The following ZNF385C variants were observed in gnomAD, a reference collection of about 807,000 sequenced individuals.
The protein encoded by ZNF385C is CTD-2132N18.2.
In ZNF385C, 28 loss-of-function variants were observed where a neutral mutation model predicts 35.4. That is an observed-to-expected ratio of 0.79 (90% confidence interval 0.59 to 1.08). The LOEUF is 1.08. Ranked by LOEUF, ZNF385C falls within the 50% of genes least tolerant of loss-of-function variation. ZNF385C has a pLI of 0.00. For missense variants in ZNF385C, 605 were observed against 595.6 expected (o/e 1.02, Z -0.16); for synonymous variants, 248 against 248.2 (o/e 1.00, Z 0.01).
chr17:42,050,380 G>A lies in ZNF385C; in HGVS notation c.250+12427C>T, dbSNP rs922125452. Among the ~76,000 whole-genome samples, 1 of 152,066 alleles carries A rather than the reference G, an allele frequency of 6.6e-6. No homozygotes were observed. The highest frequency in any genetic ancestry group is 1.5e-5 in the Non-Finnish European group (1 of 67,992). The stretch of plus-strand genomic sequence containing the variant: ...GGGGCTCCCCTGCACCTCTTCTCAC[G>A]CATCCTCCCGGGGGCTGGGACGGGG... On this transcript the variant is annotated intron_variant, in intron 2 of 8. Transcript: ENST00000692273. This position sits in a 1 kb window ranked among gnomAD's most constrained non-coding sequence, Gnocchi z 5.6.
chr17:42,082,738 G>A (rs1409009575), intron 1 of ZNF385C, among the ~76,000 whole-genome samples: 1 of 152,172 alleles, frequency 6.6e-6, no homozygotes, highest in Admixed American at 6.5e-5. Flanking sequence ...TTTGAGACCA[G>A]CCTGGGCAAC....
At chr17:42,041,122 A>G in intron 2 of ZNF385C, 8 of 1,232,268 alleles carry the variant, frequency 6.5e-6, no homozygotes, top group Non-Finnish European at 7.1e-6. Flanking sequence ...GTCCAACACC[A>G]GCCCCACATA....
chr17:42,068,817 C>T (rs1555658603), intron 1 of ZNF385C, among the ~76,000 whole-genome samples: 3 of 152,208 alleles, frequency 2.0e-5, no homozygotes, highest in Non-Finnish European at 2.9e-5. Context: ...CCCCATCCCA[C>T]CTCTCCTTAA....
intron 1 of ZNF385C, among the ~76,000 whole-genome samples, chr17:42,071,339 G>A (rs575839200): frequency 1.3e-5 from 2 of 152,238 alleles, no homozygotes; most frequent in Admixed American, 1.3e-4. Flanking sequence ...GGCACAGGAG[G>A]TGAAGGAGCA....
intron 1 of ZNF385C, among the ~76,000 whole-genome samples, chr17:42,073,518 C>T (rs1200357547): frequency 1.3e-5 from 2 of 152,024 alleles, no homozygotes; most frequent in Non-Finnish European, 2.9e-5. Context: ...CCAGGCTGCT[C>T]CTAGGCACTG....
Position 42,037,901 on chromosome 17 carries a change from G to A in ZNF385C, c.251-16C>T. On this transcript the variant is annotated splice_polypyrimidine_tract_variant and intron_variant, in intron 2 of 8. Transcript: ENST00000692273. Reference sequence around the variant, plus strand: ...GCCGGGCCTGCTGCAGGAGGAAGAAGGGCAGGGTCTGAAATGGGCTCTGTC... The same window carrying A: ...GCCGGGCCTGCTGCAGGAGGAAGAAAGGCAGGGTCTGAAATGGGCTCTGTC... 1.3e-6 allele frequency: 2 copies of A among 1,537,026 alleles called. No individual in the cohort carries two copies. Among genetic ancestry groups the A allele is most frequent in the South Asian group, 1.2e-5 (1 of 82,488 alleles).
chr17:42,097,572 C>T (rs1160862781), intron 1 of ZNF385C, among the ~76,000 whole-genome samples: 1 of 152,126 alleles, frequency 6.6e-6, no homozygotes, highest in Admixed American at 6.5e-5. Context: ...GGGTCCTCTG[C>T]TCTACTTCAA....
intron 1 of ZNF385C, among the ~76,000 whole-genome samples, chr17:42,074,668 C>T (rs1404213451): frequency 6.6e-6 from 1 of 152,194 alleles, no homozygotes; most frequent in South Asian, 2.1e-4. Context: ...GGATTACAGG[C>T]GTGAGCCACC....
chr17:42,036,242 G>A (rs1486062400), intron 3 of ZNF385C, among the ~76,000 whole-genome samples: 1 of 152,000 alleles, frequency 6.6e-6, no homozygotes, highest in Non-Finnish European at 1.5e-5. Flanking sequence ...CAGATGATCA[G>A]CCCACCTCAG....
intron 2 of ZNF385C, among the ~76,000 whole-genome samples, chr17:42,058,326 C>T (rs184554022): frequency 1.0e-3 from 153 of 152,314 alleles, no homozygotes; most frequent in African/African-American, 3.4e-3. Flanking sequence ...ACAGCTCCCA[C>T]GGAAAAGTGC....
chr17:42,065,127 C>T (rs2053528935), intron 1 of ZNF385C: 1 of 152,182 alleles, frequency 6.6e-6, no homozygotes, highest in Non-Finnish European at 1.5e-5. Flanking sequence ...GCTGGGATTT[C>T]AGGTGTGAGC....
chr17:42,027,478 G>A (rs2052613257), intron 8 of ZNF385C, 140 bp downstream of exon 8: 2 of 757,932 alleles, frequency 2.6e-6, no homozygotes, highest in South Asian at 1.9e-5. Context: ...CAGTTCCCAG[G>A]CCTAGCTCTG....
At chr17:42,034,456 A>G (rs2052796577) in intron 3 of ZNF385C, 121 bp from the exon 4 acceptor site, 3 of 679,816 alleles carry the variant, frequency 4.4e-6, no homozygotes, top group Non-Finnish European at 7.5e-6. Flanking sequence ...GCTTCTAGGA[A>G]GAACTTTTCC....
intron 2 of ZNF385C, among the ~76,000 whole-genome samples, chr17:42,060,503 G>A (rs1264875771): frequency 6.6e-6 from 1 of 152,122 alleles, no homozygotes; most frequent in Non-Finnish European, 1.5e-5. Flanking sequence ...GACTTCACAG[G>A]TCTGATTTAA....
chr17:42,047,671 C>T (rs1384059785), intron 2 of ZNF385C, among the ~76,000 whole-genome samples: 5 of 149,388 alleles, frequency 3.3e-5, no homozygotes, highest in East Asian at 3.9e-4. Flanking sequence ...TTTTTTTTTT[C>T]GAGACAGAGT....
intron 1 of ZNF385C, among the ~76,000 whole-genome samples, chr17:42,086,977 C>A (rs1356050262): frequency 6.6e-6 from 1 of 151,664 alleles, no homozygotes; most frequent in African/African-American, 2.4e-5. Context: ...TACACCACCA[C>A]GCCCGGCTAA....
chr17:42,086,202 C>T (rs955997896), intron 1 of ZNF385C, among the ~76,000 whole-genome samples: 47 of 143,680 alleles, frequency 3.3e-4, no homozygotes, highest in South Asian at 6.7e-4. Context: ...GACCAGCCTG[C>T]GCAACATGGT....
intron 1 of ZNF385C, among the ~76,000 whole-genome samples, chr17:42,065,850 T>C (rs2053539879): frequency 1.3e-5 from 2 of 152,006 alleles, no homozygotes; most frequent in Admixed American, 1.3e-4. Flanking sequence ...TCCATGCTGA[T>C]TCATACCTGG....
At position 42,057,989 on chromosome 17, in the gene ZNF385C, TG is replaced by T. The variant is rs560446197; in HGVS notation, c.250+4817del. Among the ~76,000 whole-genome samples, 60 of 150,950 alleles carry T rather than the reference TG, an allele frequency of 4.0e-4. 1 individual carries two copies. In the South Asian group the frequency reaches 0.013, roughly 32 times the overall value. ...AAGGGCTTCCTGGGCAGGAGACAGA[TG>T]GGGGGTGGGCAGGGTAAGTCGGGGC... is the stretch of plus-strand genomic sequence containing the variant. On this transcript the variant is annotated intron_variant, in intron 2 of 8. Coordinates refer to ENST00000692273, the MANE Select transcript of ZNF385C (RefSeq NM_001392013.1).
Sources: gnomAD v4.1 joint callset for allele counts (sites outside exome capture counted in the v4.1 genomes callset) on GRCh38, gnomAD v4.1.1 for gene constraint, Gnocchi (gnomAD v3.1) non-coding constraint, MANE v1.5 for transcripts, NCBI Gene and HGNC (gene_info 2026-07-23, HGNC 2026-07-21) for gene names.